Variants in HIGD1A observed in about 807,000 individuals in gnomAD.
The protein encoded by HIGD1A is HIG1 domain family member 1A, mitochondrial.
Under a neutral mutation model 11.3 loss-of-function variants are expected in HIGD1A, and 8 were observed. The observed-to-expected ratio is 0.71, with a 90% CI of 0.42 to 1.28. The LOEUF (loss-of-function observed/expected upper bound fraction) is 1.28. Among genes scored for constraint, HIGD1A ranks in the 50% most tolerant of loss-of-function variants. The probability of loss-of-function intolerance (pLI) is 0.01; values close to 1 mark genes in which losing one functional copy is unlikely to be tolerated. For missense variants in HIGD1A, 107 were observed against 118.8 expected (o/e 0.90, Z 0.46); for synonymous variants, 32 against 38.4 (o/e 0.83, Z 0.62).
At chr3:42,803,317 T>C (rs1265332950) in intron 1 of HIGD1A, among the ~76,000 whole-genome samples, 3 of 152,222 alleles carry the variant, frequency 2.0e-5, no homozygotes, top group African/African-American at 7.2e-5. Context: ...GGATCTTTCT[T>C]CACAGTCATT....
intron 1 of HIGD1A, 164 bp downstream of exon 1, chr3:42,804,272 G>A (rs1700607741): frequency 2.7e-6 from 4 of 1,475,334 alleles, no homozygotes; most frequent in Non-Finnish European, 3.7e-6. Context: ...CATGCTCGAG[G>A]CCGGGCCTGA....
At chr3:42,799,885 T>C (rs989299141) in intron 1 of HIGD1A, among the ~76,000 whole-genome samples, 2 of 152,230 alleles carry the variant, frequency 1.3e-5, no homozygotes, top group Non-Finnish European at 2.9e-5. Flanking sequence ...GAGAGAGTGA[T>C]GTATTTTAGC....
intron 3 of HIGD1A, among the ~76,000 whole-genome samples, 182 bp downstream of exon 3, chr3:42,785,846 T>C (rs1236686450): frequency 6.6e-6 from 1 of 152,156 alleles, no homozygotes; most frequent in Non-Finnish European, 1.5e-5. Flanking sequence ...CTTAGTAGGA[T>C]ATATCATAGA....
intron 1 of HIGD1A, among the ~76,000 whole-genome samples, chr3:42,801,942 G>A (rs1700570062): frequency 6.6e-6 from 1 of 152,178 alleles, no homozygotes; most frequent in South Asian, 2.1e-4. Context: ...AGGCAGGAGG[G>A]CTGCTTGAGC....
At chr3:42,791,010 T>C (rs1337851733) in intron 2 of HIGD1A, among the ~76,000 whole-genome samples, 1 of 152,188 alleles carries the variant, frequency 6.6e-6, no homozygotes, top group Non-Finnish European at 1.5e-5. Flanking sequence ...ATAGTGAAAG[T>C]GTACTGGCTT....
intron 1 of HIGD1A, among the ~76,000 whole-genome samples, chr3:42,803,835 A>G (rs982806130): frequency 6.6e-6 from 1 of 152,212 alleles, no homozygotes; most frequent in Admixed American, 6.5e-5. Context: ...AGCACTACAC[A>G]GGACCCTAGG....
At chr3:42,801,210 CT>C (rs34314274) in intron 1 of HIGD1A, among the ~76,000 whole-genome samples, 8,198 of 152,236 alleles carry the variant, frequency 0.054, 320 homozygotes, top group South Asian at 0.11. Flanking sequence ...TCCACATCAC[CT>C]TGAGTAATTC....
intron 2 of HIGD1A, among the ~76,000 whole-genome samples, chr3:42,789,265 C>A (rs1470297621): frequency 6.6e-6 from 1 of 152,080 alleles, no homozygotes; most frequent in African/African-American, 2.4e-5. Flanking sequence ...TGGTCTCGAA[C>A]TCCTGACCTC....
At chr3:42,793,626 G>T (rs1700455821) in intron 2 of HIGD1A, among the ~76,000 whole-genome samples, 1 of 152,182 alleles carries the variant, frequency 6.6e-6, no homozygotes, top group Non-Finnish European at 1.5e-5. Context: ...TCTAACCTGA[G>T]GATGGTCTTG....
Position 42,784,055 on chromosome 3 carries a change from G to A in HIGD1A, c.*1216C>T. Among the ~76,000 whole-genome samples the A allele has an allele frequency of 7.8e-6, 1 of 128,352 alleles. No homozygotes were observed. The allele number at this position is 128,352 out of a possible 152,430, so 84.2% of individuals were successfully genotyped here. A position where few individuals can be genotyped will look rare whatever the true frequency, so the allele number is the denominator to read the frequency against. ...CGTGCCACTGCACGCCAGCCAAGATGACAGAGAATAACTCCGTCTCAAAAA... is the reference window on the plus strand; with the variant it reads ...CGTGCCACTGCACGCCAGCCAAGATAACAGAGAATAACTCCGTCTCAAAAA... On this transcript the variant is annotated 3_prime_UTR_variant, in exon 4 of 4. Coordinates refer to ENST00000321331, the MANE Select transcript of HIGD1A (RefSeq NM_014056.4).
At position 42,802,160 on chromosome 3, in the gene HIGD1A, GT is replaced by G. The variant is rs796125779; in HGVS notation, c.-23+2275del. 7.2e-3 allele frequency among the ~76,000 whole-genome samples: 1,050 copies of G among 146,026 alleles called. 5 individuals are homozygous for G. The highest frequency in any genetic ancestry group is 9.0e-3 in the Non-Finnish European group (591 of 65,948). On this transcript the variant is annotated intron_variant, in intron 1 of 3. Coordinates refer to ENST00000321331, the MANE Select transcript of HIGD1A (RefSeq NM_014056.4). The stretch of plus-strand genomic sequence containing the variant: ...CTCCAACAGGTCAATGGAGCAAAAG[GT>G]TTTTTTTTTTTTCTCCTTTCAGGAG...
intron 2 of HIGD1A, among the ~76,000 whole-genome samples, chr3:42,790,040 C>T (rs12639142): frequency 0.22 from 33,741 of 151,558 alleles, 4,858 homozygotes; most frequent in East Asian, 0.52. Flanking sequence ...TATTAAAAAA[C>T]GAAAAAGAGA....
At chr3:42,788,936 T>C (rs1232463478) in intron 2 of HIGD1A, among the ~76,000 whole-genome samples, 1 of 150,954 alleles carries the variant, frequency 6.6e-6, no homozygotes. Flanking sequence ...ATATAAATTA[T>C]AAACATAGAT....
intron 2 of HIGD1A, among the ~76,000 whole-genome samples, chr3:42,792,262 C>G (rs1442463605): frequency 1.3e-5 from 2 of 152,090 alleles, no homozygotes. Flanking sequence ...TAAAAGGATG[C>G]TCAGTAGTTT....
At chr3:42,802,597 T>TTA (rs1700580140) in intron 1 of HIGD1A, among the ~76,000 whole-genome samples, 1 of 152,208 alleles carries the variant, frequency 6.6e-6, no homozygotes, top group African/African-American at 2.4e-5. Flanking sequence ...TATTCATGGT[T>TTA]TATAGCCACC....
chr3:42,799,588 G>A (rs1212928861), intron 1 of HIGD1A, among the ~76,000 whole-genome samples: 1 of 151,634 alleles, frequency 6.6e-6, no homozygotes, highest in Non-Finnish European at 1.5e-5. Flanking sequence ...TAACAGCTGG[G>A]ATAACAGGTG....
intron 2 of HIGD1A, among the ~76,000 whole-genome samples, chr3:42,793,609 C>T (rs1481932761): frequency 6.6e-6 from 1 of 152,166 alleles, no homozygotes; most frequent in African/African-American, 2.4e-5. Flanking sequence ...GAGTCTTGGC[C>T]CAATCATCTA....
rs537154745 is a variant in HIGD1A, at chr3:42,783,814, G to A, written c.*1457C>T. 2.6e-5 allele frequency among the ~76,000 whole-genome samples: 4 copies of A among 152,124 alleles called. No homozygotes were observed. The highest frequency in any genetic ancestry group is 7.2e-5 in the African/African-American group (3 of 41,418). ...TAATCAGCTGGGCGTGGTGGCTCAC[G>A]CCTGTAATCCTAGCACTTTGGGAGG... On this transcript the variant is annotated 3_prime_UTR_variant, in exon 4 of 4. Transcript: ENST00000321331.
chr3:42,802,650 T>G (rs1014403406), intron 1 of HIGD1A, among the ~76,000 whole-genome samples: 1 of 152,218 alleles, frequency 6.6e-6, no homozygotes, highest in African/African-American at 2.4e-5. Flanking sequence ...TAAGTTCTAA[T>G]CATATAATTT....
Sources: allele counts gnomAD v4.1 joint callset (sites outside exome capture counted in the v4.1 genomes callset), GRCh38; gene constraint gnomAD v4.1.1; transcripts MANE v1.5; gene names NCBI Gene and HGNC (gene_info 2026-07-23, HGNC 2026-07-21).